BORCS5: variants seen among roughly 807,000 people sequenced by gnomAD.
The protein encoded by BORCS5 is BLOC-1-related complex subunit 5.
BORCS5 carries 17 observed loss-of-function variants against 22.1 expected under a neutral mutation model. The observed-to-expected ratio is 0.77, with a 90% CI of 0.53 to 1.15. The LOEUF (loss-of-function observed/expected upper bound fraction) is 1.15, where lower values mean the gene tolerates loss of function less well. Ranked by LOEUF, BORCS5 falls within the 50% of genes most tolerant of loss-of-function variation. BORCS5 has a pLI of 0.00. For missense variants in BORCS5, 247 were observed against 253.2 expected (o/e 0.98, Z 0.17); for synonymous variants, 117 against 99.8 (o/e 1.17, Z -1.03).
intron 1 of BORCS5, 116 bp downstream of exon 1, chr12:12,357,625 C>T (rs1279436999): frequency 3.5e-6 from 4 of 1,128,052 alleles, no homozygotes; most frequent in African/African-American, 1.6e-5. Context: ...AAGCCTTCAC[C>T]GTGCTAGTAG....
intron 2 of BORCS5, among the ~76,000 whole-genome samples, chr12:12,414,234 G>A (rs1213039089): frequency 6.6e-5 from 5 of 75,836 alleles, no homozygotes; most frequent in Admixed American, 3.2e-4. Flanking sequence ...CCTCCCGGAC[G>A]GGGCGGCTGG....
At chr12:12,409,398 T>A (rs1381040723) in intron 2 of BORCS5, among the ~76,000 whole-genome samples, 9 of 142,550 alleles carry the variant, frequency 6.3e-5, no homozygotes, top group Admixed American at 5.4e-4. Context: ...CAGTCCCCGG[T>A]GTGTGATGTT....
At chr12:12,459,969 T>A (rs568965557) in intron 3 of BORCS5, among the ~76,000 whole-genome samples, 28 of 152,354 alleles carry the variant, frequency 1.8e-4, no homozygotes, top group Admixed American at 1.3e-3. Flanking sequence ...AATCAAGTAC[T>A]GTAAGTCTTC....
At chr12:12,411,795 A>G (rs1369935679) in intron 2 of BORCS5, among the ~76,000 whole-genome samples, 1 of 152,170 alleles carries the variant, frequency 6.6e-6, no homozygotes, top group African/African-American at 2.4e-5. Flanking sequence ...TTCATTGTTA[A>G]TTAACTTTTG....
At chr12:12,437,246 G>A (rs994645083) in intron 3 of BORCS5, among the ~76,000 whole-genome samples, 6 of 152,196 alleles carry the variant, frequency 3.9e-5, no homozygotes, top group Admixed American at 3.9e-4. Context: ...GTTTTGTAAA[G>A]GGGAGTTCCC....
intron 3 of BORCS5, among the ~76,000 whole-genome samples, chr12:12,457,670 T>A (rs1242742134): frequency 6.6e-6 from 1 of 152,148 alleles, no homozygotes; most frequent in African/African-American, 2.4e-5. Context: ...CCACAAACTC[T>A]GAGTCACTCA....
rs776970264 is a variant in BORCS5 at position 12,465,527 on chromosome 12, T to C, written c.361-19T>C. The C allele has an allele frequency of 2.5e-6, 4 of 1,610,984 alleles. No individual in the cohort carries two copies. In the Admixed American group the frequency reaches 6.7e-5, roughly 27 times the overall value. On this transcript the variant is annotated intron_variant, in intron 3 of 3. Coordinates refer to ENST00000314565, the MANE Select transcript of BORCS5 (RefSeq NM_058169.6). ...CTTGATTAAACAAGGTATAATGTAC[T>C]TCTCTTTCCCATCCACAGATGGATC... is the stretch of plus-strand genomic sequence containing the variant.
rs747600872 is a variant in BORCS5, at chr12:12,471,191, C to T, written c.*5415C>T. The stretch of plus-strand genomic sequence containing the variant: ...ACTGTTTTTACATAAGTGCATATTG[C>T]TGTCTCTGCAAATAAAGTACAACAA... On this transcript the variant is annotated 3_prime_UTR_variant, in exon 4 of 4. Transcript: ENST00000314565. 6.6e-6 allele frequency among the ~76,000 whole-genome samples: 1 copy of T among 152,186 alleles called. No homozygotes were observed. Among genetic ancestry groups the T allele is most frequent in the Non-Finnish European group, 1.5e-5 (1 of 68,024 alleles).
intron 2 of BORCS5, among the ~76,000 whole-genome samples, chr12:12,375,618 C>G (rs1863631795): frequency 6.6e-6 from 1 of 152,102 alleles, no homozygotes; most frequent in South Asian, 2.1e-4. Flanking sequence ...GACCCTGTCT[C>G]TGAAACAACA....
At chr12:12,416,524 G>T (rs1013583115) in intron 2 of BORCS5, among the ~76,000 whole-genome samples, 2 of 151,836 alleles carry the variant, frequency 1.3e-5, no homozygotes, top group East Asian at 3.9e-4. Context: ...GCTCATTGTA[G>T]CCTCGAACTC....
chr12:12,357,596 G>A (rs978222190), intron 1 of BORCS5, 87 bp downstream of exon 1: 46 of 1,408,072 alleles, frequency 3.3e-5, no homozygotes, highest in Non-Finnish European at 4.4e-5. Flanking sequence ...CAGGGACTGC[G>A]GACGGGAACG....
chr12:12,422,535 A>G lies in BORCS5; in HGVS notation c.203-13093A>G, dbSNP rs567587738. On this transcript the variant is annotated intron_variant, in intron 2 of 3. Transcript: ENST00000314565. Reference sequence around the variant, plus strand: ...AGAATCGTTTGAACCCAGGAGGCAGAGGTTGCAGTGAGCCGAGATCGTGGC... The same window carrying G: ...AGAATCGTTTGAACCCAGGAGGCAGGGGTTGCAGTGAGCCGAGATCGTGGC... Among the ~76,000 whole-genome samples the G allele has an allele frequency of 2.0e-5, 3 of 152,148 alleles. No individual in the cohort carries two copies. In the East Asian group the frequency reaches 5.8e-4, roughly 29 times the overall value.
rs941866698 is a variant in BORCS5 at position 12,469,316 on chromosome 12, A to T, written c.*3540A>T. On this transcript the variant is annotated 3_prime_UTR_variant, in exon 4 of 4. Transcript: ENST00000314565. Reference sequence around the variant, plus strand: ...GGTTGCAGTGAGCCAAGTTCGTGCCATTGCACTCTGGCCTGGGTAACAAGA... The same window carrying T: ...GGTTGCAGTGAGCCAAGTTCGTGCCTTTGCACTCTGGCCTGGGTAACAAGA... 6.6e-6 allele frequency: 1 copy of T among 152,298 alleles called. No homozygotes were observed. Among genetic ancestry groups the T allele is most frequent in the Admixed American group, 6.5e-5 (1 of 15,290 alleles). 9.4% of individuals were successfully genotyped at this position (152,298 alleles called of 1,614,324 possible). A position where few individuals can be genotyped will look rare whatever the true frequency, so the allele number is the denominator to read the frequency against.
At chr12:12,461,560 C>T (rs1359268857) in intron 3 of BORCS5, among the ~76,000 whole-genome samples, 2 of 152,134 alleles carry the variant, frequency 1.3e-5, no homozygotes, top group South Asian at 4.1e-4. Flanking sequence ...AAAGTTTATT[C>T]ATCTCTCTCA....
chr12:12,456,567 T>C (rs904244943), intron 3 of BORCS5, among the ~76,000 whole-genome samples: 5 of 152,236 alleles, frequency 3.3e-5, no homozygotes, highest in African/African-American at 1.2e-4. Context: ...GAGGATATCA[T>C]TTATTAAAGC....
intron 2 of BORCS5, among the ~76,000 whole-genome samples, chr12:12,382,530 A>G (rs2136045724): frequency 6.9e-6 from 1 of 144,416 alleles, no homozygotes; most frequent in African/African-American, 2.7e-5. Flanking sequence ...ATGATGGTAT[A>G]TATCTTTTTT....
At chr12:12,393,318 T>C (rs1223389821) in intron 2 of BORCS5, among the ~76,000 whole-genome samples, 1 of 152,018 alleles carries the variant, frequency 6.6e-6, no homozygotes, top group Non-Finnish European at 1.5e-5. Context: ...AAATCTCTTC[T>C]TAAACATGAC....
At chr12:12,400,149 T>A (rs1941435634) in intron 2 of BORCS5, among the ~76,000 whole-genome samples, 1 of 152,246 alleles carries the variant, frequency 6.6e-6, no homozygotes, top group South Asian at 2.1e-4. Flanking sequence ...CCTTTTAAGT[T>A]GGTTTGAAAA....
chr12:12,433,556 A>G (rs1030440066), intron 2 of BORCS5, among the ~76,000 whole-genome samples: 4 of 152,190 alleles, frequency 2.6e-5, no homozygotes, highest in Admixed American at 6.5e-5. Context: ...ATATTGTACC[A>G]TAGTTTTACA....
Sources: gnomAD v4.1 joint callset for allele counts (sites outside exome capture counted in the v4.1 genomes callset) on GRCh38, gnomAD v4.1.1 for gene constraint, MANE v1.5 for transcripts, NCBI Gene and HGNC (gene_info 2026-07-23, HGNC 2026-07-21) for gene names.